Variants in FRMD5 observed in about 807,000 individuals in gnomAD.
The protein encoded by FRMD5 is FERM domain-containing protein 5.
Under a neutral mutation model 69.0 loss-of-function variants are expected in FRMD5, and 20 were observed. That is an observed-to-expected ratio of 0.29 (90% CI 0.20 to 0.42). The LOEUF (loss-of-function observed/expected upper bound fraction) is 0.42. Ranked by LOEUF, FRMD5 falls within the 10% of genes least tolerant of loss-of-function variation. FRMD5 has a pLI of 1.00. For missense variants in FRMD5, 595 were observed against 708.6 expected, an observed-to-expected ratio of 0.84 and a Z score of 1.82; for synonymous variants, 271 against 260.1, an observed-to-expected ratio of 1.04 and a Z score of -0.40.
intron 1 of FRMD5, among the ~76,000 whole-genome samples, chr15:44,163,400 G>A (rs2077656162): frequency 6.6e-6 from 1 of 152,146 alleles, no homozygotes; most frequent in Admixed American, 6.5e-5. Flanking sequence ...ACTAGTGCCT[G>A]GAATAGAGGG....
intron 1 of FRMD5, among the ~76,000 whole-genome samples, chr15:44,020,763 C>T (rs1412259982): frequency 6.6e-6 from 1 of 152,118 alleles, no homozygotes. Context: ...AGACAATCAA[C>T]AAAACAATAA....
intron 1 of FRMD5, among the ~76,000 whole-genome samples, chr15:43,957,628 G>A (rs1038880384): frequency 5.3e-5 from 8 of 152,222 alleles, no homozygotes; most frequent in African/African-American, 1.9e-4. Context: ...TCAGACATTT[G>A]TATTACCTGA....
chr15:44,113,767 C>A (rs2076831590), intron 1 of FRMD5, among the ~76,000 whole-genome samples: 1 of 152,120 alleles, frequency 6.6e-6, no homozygotes, highest in African/African-American at 2.4e-5. Context: ...TTGAAAAAGT[C>A]ACTTATATTC....
intron 1 of FRMD5, among the ~76,000 whole-genome samples, chr15:44,164,944 T>C (rs2077683896): frequency 6.6e-6 from 1 of 152,182 alleles, no homozygotes; most frequent in Admixed American, 6.5e-5. Flanking sequence ...TCCAGATACA[T>C]GTTCGGAGGT....
chr15:43,989,550 T>C, intron 1 of FRMD5: 1 of 878,164 alleles, frequency 1.1e-6, no homozygotes. Flanking sequence ...TTCTCCTTGA[T>C]GTCATGCACA....
At chr15:44,079,321 G>A (rs776757053) in intron 1 of FRMD5, among the ~76,000 whole-genome samples, 9 of 152,188 alleles carry the variant, frequency 5.9e-5, no homozygotes, top group Middle Eastern at 3.4e-3. Flanking sequence ...CACTTTCCTC[G>A]TGGGAATGTA....
At chr15:44,031,369 A>G (rs1451602292) in intron 1 of FRMD5, among the ~76,000 whole-genome samples, 1 of 152,200 alleles carries the variant, frequency 6.6e-6, no homozygotes, top group African/African-American at 2.4e-5. Context: ...ACAAAATACC[A>G]TAACCTGGGT....
intron 1 of FRMD5, among the ~76,000 whole-genome samples, chr15:44,022,500 G>A (rs912905998): frequency 2.0e-5 from 3 of 148,218 alleles, no homozygotes; most frequent in South Asian, 2.1e-4. Context: ...CTTGAACCTC[G>A]GAGGCAGAGG....
chr15:43,934,887 G>C (rs1357251661), intron 1 of FRMD5, among the ~76,000 whole-genome samples: 1 of 152,222 alleles, frequency 6.6e-6, no homozygotes, highest in Non-Finnish European at 1.5e-5. Flanking sequence ...TCTGGCTGGG[G>C]TGAGGGTGGG....
chr15:44,117,991 C>CTTTTTTT (rs747747488), intron 1 of FRMD5, among the ~76,000 whole-genome samples: 22 of 92,606 alleles, frequency 2.4e-4, no homozygotes, highest in African/African-American at 7.4e-4. Context: ...TTCTTTTTTA[C>CTTTTTTT]TTTTTTTTTT....
chr15:44,066,858 T>C lies in FRMD5; in HGVS notation c.102+128095A>G, dbSNP rs539529186. On this transcript the variant is annotated intron_variant, in intron 1 of 13. Coordinates refer to ENST00000417257, the MANE Select transcript of FRMD5 (RefSeq NM_032892.5). Reference sequence around the variant, plus strand: ...AAGTAAAGGGAAGGAGTCAGAGAGGTTGGTAGCTTAAAGGAAAAATAAAAT... The same window carrying C: ...AAGTAAAGGGAAGGAGTCAGAGAGGCTGGTAGCTTAAAGGAAAAATAAAAT... 2.0e-4 allele frequency among the ~76,000 whole-genome samples: 30 copies of C among 152,198 alleles called. 2 individuals carry two copies. In the East Asian group the frequency reaches 4.4e-3, roughly 23 times the overall value.
chr15:44,196,456 C>A (rs2078298901), upstream of FRMD5, among the ~76,000 whole-genome samples: 1 of 151,206 alleles, frequency 6.6e-6, no homozygotes, highest in South Asian at 2.1e-4. Flanking sequence ...CAAGAGCAAG[C>A]CACCGTCTCA....
intron 13 of FRMD5, among the ~76,000 whole-genome samples, chr15:43,878,915 CTTTTTTTTTTTCTTTTCTTTTTTTT>C (rs2088441632): frequency 7.8e-6 from 1 of 127,612 alleles, no homozygotes; most frequent in Non-Finnish European, 1.7e-5. Flanking sequence ...ATAGGCATTT[CTTTTTTTTTTTCTTTTCTTTTTTTT>C]TTTTTTTTTT....
At chr15:43,979,959 T>C (rs1256231953) in intron 1 of FRMD5, among the ~76,000 whole-genome samples, 1 of 152,176 alleles carries the variant, frequency 6.6e-6, no homozygotes, top group East Asian at 1.9e-4. Context: ...AACAGAGTAT[T>C]TAAGGTAAAG....
At chr15:43,952,836 T>C (rs2090058048) in intron 1 of FRMD5, among the ~76,000 whole-genome samples, 1 of 152,180 alleles carries the variant, frequency 6.6e-6, no homozygotes, top group Non-Finnish European at 1.5e-5. Flanking sequence ...AAGAGGCAGA[T>C]GCAGATGAAA....
intron 1 of FRMD5, among the ~76,000 whole-genome samples, chr15:44,027,651 G>GTTTTTTTTTTTT (rs759567597): frequency 5.4e-5 from 4 of 73,944 alleles, no homozygotes; most frequent in Admixed American, 1.7e-4. Context: ...TTTTTTTTTT[G>GTTTTTTTTTTTT]TTTTTTTTTT....
At chr15:43,885,155 G>C (rs1456907650) in intron 11 of FRMD5, 6 of 220,290 alleles carry the variant, frequency 2.7e-5, no homozygotes, top group Admixed American at 1.0e-4. Flanking sequence ...TATTGTAAGG[G>C]AAAGAGAAGA....
intron 1 of FRMD5, among the ~76,000 whole-genome samples, chr15:43,971,958 C>T (rs2090386891): frequency 6.6e-6 from 1 of 150,902 alleles, no homozygotes; most frequent in African/African-American, 2.4e-5. Flanking sequence ...TGGCTCATGC[C>T]TATAATCCCA....
chr15:43,935,832 T>A (rs1232722055), intron 1 of FRMD5, among the ~76,000 whole-genome samples: 1 of 152,238 alleles, frequency 6.6e-6, no homozygotes, highest in Non-Finnish European at 1.5e-5. Context: ...TGCTGCCAAC[T>A]GAATATTGTG....
Sources: allele counts gnomAD v4.1 joint callset (sites outside exome capture counted in the v4.1 genomes callset), GRCh38; gene constraint gnomAD v4.1.1; transcripts MANE v1.5; gene names NCBI Gene and HGNC (gene_info 2026-07-23, HGNC 2026-07-21).